The following DNAH11 variants were observed in gnomAD, a reference collection of about 807,000 sequenced individuals.
The protein encoded by DNAH11 is dynein axonemal heavy chain 11, also known as axonemal beta dynein heavy chain 11.
In DNAH11, 442 loss-of-function variants were observed where a neutral mutation model predicts 526.0. That is an observed-to-expected ratio of 0.84 (90% CI 0.78 to 0.91). The LOEUF (loss-of-function observed/expected upper bound fraction) is 0.91, where lower values mean the gene tolerates loss of function less well. DNAH11 is among the 40% of genes least tolerant of loss of function. The pLI, the probability that DNAH11 is intolerant of heterozygous loss-of-function variation, is 0.00. For missense variants in DNAH11, 6,989 were observed against 5,448.7 expected (o/e 1.28, Z -8.90); for synonymous variants, 2,461 against 1,935.9 (o/e 1.27, Z -7.12).
intron 28 of DNAH11, among the ~76,000 whole-genome samples, chr7:21,648,453 C>G (rs899933423): frequency 2.0e-5 from 3 of 152,288 alleles, no homozygotes; most frequent in East Asian, 1.9e-4. Context: ...CTTTGAAAAC[C>G]TGTAACCATC....
intron 45 of DNAH11, among the ~76,000 whole-genome samples, chr7:21,730,348 G>A (rs1175797703): frequency 6.6e-6 from 1 of 152,182 alleles, no homozygotes; most frequent in Admixed American, 6.5e-5. Context: ...TGGAGGACTG[G>A]CATGATGCTC....
At chr7:21,564,099 A>T in intron 5 of DNAH11, 87 bp from the exon 6 acceptor site, 1 of 938,556 alleles carries the variant, frequency 1.1e-6, no homozygotes, top group Non-Finnish European at 1.6e-6. Flanking sequence ...ATGTTGTTTT[A>T]CGTGGCTCTC....
intron 28 of DNAH11, among the ~76,000 whole-genome samples, chr7:21,651,259 G>C (rs1297614706): frequency 6.6e-6 from 1 of 152,182 alleles, no homozygotes; most frequent in Non-Finnish European, 1.5e-5. Flanking sequence ...TCTTTAGGTA[G>C]GTAGGGCAAA....
intron 48 of DNAH11, among the ~76,000 whole-genome samples, chr7:21,741,555 C>T (rs369947341): frequency 6.6e-6 from 1 of 152,306 alleles, no homozygotes; most frequent in African/African-American, 2.4e-5. Flanking sequence ...CTGATCTTGG[C>T]TGGGCTCATC....
At chr7:21,568,459 A>G (rs1472418046) in intron 6 of DNAH11, among the ~76,000 whole-genome samples, 1 of 152,302 alleles carries the variant, frequency 6.6e-6, no homozygotes, top group East Asian at 1.9e-4. Context: ...TAGTATCACA[A>G]AAGTAGTTTG....
chr7:21,727,434 C>G (rs929940185), intron 45 of DNAH11, among the ~76,000 whole-genome samples: 6 of 152,208 alleles, frequency 3.9e-5, no homozygotes, highest in Admixed American at 3.9e-4. Context: ...TACCCTCCAG[C>G]TATCAAATGA....
chr7:21,725,750 TC>T (rs1785071162), intron 44 of DNAH11, 60 bp from the exon 45 acceptor site: 5 of 1,509,308 alleles, frequency 3.3e-6, no homozygotes, highest in Non-Finnish European at 4.5e-6. Context: ...ATAATTTGTT[TC>T]TTTTTTTACA....
chr7:21,866,471 C>A lies in DNAH11; in HGVS notation c.11498C>A (p.Ala3833Glu). 1 of 1,609,022 alleles carries A rather than the reference C, an allele frequency of 6.2e-7. No homozygotes were observed. Among genetic ancestry groups the A allele is most frequent in the African/African-American group, 1.3e-5 (1 of 74,644 alleles). Residue 3833 changes from alanine (A) to glutamate (E), a missense_variant and splice_region_variant, in exon 71 of 82, where the codon GCA becomes GAA. Transcript: ENST00000409508. Reference sequence around the variant, plus strand: ...ACTTGTTTCCCTATCATATTACAGGCAATTGCCGTCATGGAAGAATTTCGA... The same window carrying A: ...ACTTGTTTCCCTATCATATTACAGGAAATTGCCGTCATGGAAGAATTTCGA... ...LTSQSWSAIK[A>E]IAVMEEFRGI...
intron 39 of DNAH11, 80 bp from the exon 40 acceptor site, chr7:21,707,619 A>G (rs1583613670): frequency 1.3e-6 from 2 of 1,511,836 alleles, no homozygotes; most frequent in East Asian, 2.3e-5. Flanking sequence ...ATGAATACGG[A>G]AAACTCTTCA....
chr7:21,769,700 G>C (rs1050663622), intron 55 of DNAH11, among the ~76,000 whole-genome samples: 1 of 152,018 alleles, frequency 6.6e-6, no homozygotes, highest in Non-Finnish European at 1.5e-5. Context: ...GCCCAGGCTG[G>C]TCTCAAACTC....
intron 14 of DNAH11, 86 bp from the exon 15 acceptor site, chr7:21,599,701 C>A (rs1009328629): frequency 2.8e-6 from 3 of 1,088,428 alleles, no homozygotes; most frequent in Admixed American, 3.1e-5. Context: ...GCAGTCTCTT[C>A]TTTTACAAAC....
intron 55 of DNAH11, among the ~76,000 whole-genome samples, chr7:21,768,690 G>C (rs1787291336): frequency 6.6e-6 from 1 of 152,226 alleles, no homozygotes. Context: ...TTGGTAGCTT[G>C]TGAAGGACAT....
chr7:21,693,783 A>C (rs1389800943), intron 35 of DNAH11, among the ~76,000 whole-genome samples: 1 of 152,160 alleles, frequency 6.6e-6, no homozygotes, highest in Non-Finnish European at 1.5e-5. Context: ...ACACTGCTAT[A>C]AGTAACTACC....
rs867732923 is a variant in DNAH11, at chr7:21,545,567, T to C, written c.495+418T>C. 6.6e-4 allele frequency among the ~76,000 whole-genome samples: 100 copies of C among 152,350 alleles called. 1 individual carries two copies. The highest frequency in any genetic ancestry group is 2.1e-3 in the African/African-American group (88 of 41,576). ...AGTATTATCAGTTCCTTTTTATACT[T>C]GTTAGAAACTAACAGTTAAAGACTA... On this transcript the variant is annotated intron_variant, in intron 2 of 81. Transcript: ENST00000409508.
intron 37 of DNAH11, chr7:21,703,724 G>A (rs1784149806): frequency 6.6e-6 from 1 of 152,042 alleles, no homozygotes; most frequent in African/African-American, 2.4e-5. Flanking sequence ...ATCACCATGT[G>A]TATGTGCAAT....
chr7:21,744,405 A>T (rs780460925), intron 49 of DNAH11, 33 bp from the exon 50 acceptor site: 9 of 1,605,876 alleles, frequency 5.6e-6, no homozygotes, highest in Non-Finnish European at 6.8e-6. Context: ...CAGCCTCTGA[A>T]TTAAAGGTAT....
chr7:21,627,049 G>C (rs1235696578), intron 25 of DNAH11, among the ~76,000 whole-genome samples: 1 of 152,028 alleles, frequency 6.6e-6, no homozygotes, highest in Non-Finnish European at 1.5e-5. Context: ...CGCCCGGCCT[G>C]TGTGTCTTCT....
At position 21,710,572 on chromosome 7, in the gene DNAH11, A is replaced by G. The variant is rs1784427071; in HGVS notation, c.6703A>G (p.Ile2235Val). 1.2e-6 allele frequency: 2 copies of G among 1,610,144 alleles called. No individual in the cohort carries two copies. Among genetic ancestry groups the G allele is most frequent in the Non-Finnish European group, 1.7e-6 (2 of 1,177,390 alleles). ...TATTAGGATTGTTTACTCTTATTTTATAGGTCTCTTCTCATCCATTCTACG... is the reference window on the plus strand; with the variant it reads ...TATTAGGATTGTTTACTCTTATTTTGTAGGTCTCTTCTCATCCATTCTACG... ...KDGKIVYSYF[I>V]GLFSSILREQ... is the part of the protein sequence containing the mutation. Residue 2235 changes from isoleucine (I) to valine (V), a missense_variant, in exon 41 of 82, where the codon ATA (isoleucine) becomes GTA (valine). Coordinates refer to ENST00000409508, the MANE Select transcript of DNAH11 (RefSeq NM_001277115.2).
Position 21,687,111 on chromosome 7 carries a change from C to G in DNAH11, c.5634C>G (p.Thr1878=), listed in dbSNP as rs1200515144. The change falls in exon 33 of 82, where the codon ACC becomes ACG. Residue 1878 remains threonine, a synonymous_variant. Coordinates refer to ENST00000409508, the MANE Select transcript of DNAH11 (RefSeq NM_001277115.2). The part of the protein sequence containing the change: ...ITPLTDRCYI[T]LTQSLHLTMS... The stretch of plus-strand genomic sequence containing the variant: ...CTATTGCTTAAAGGTGTTATATTAC[C>G]TTAACTCAATCACTTCATCTAACCA... The G allele has an allele frequency of 6.2e-7, 1 of 1,612,200 alleles. No individual in the cohort carries two copies. The highest frequency in any genetic ancestry group is 1.3e-5 in the African/African-American group (1 of 74,894).
Sources: allele counts gnomAD v4.1 joint callset (sites outside exome capture counted in the v4.1 genomes callset), GRCh38; gene constraint gnomAD v4.1.1; transcripts MANE v1.5; gene names NCBI Gene and HGNC (gene_info 2026-07-23, HGNC 2026-07-21).